The following LMBRD1 variants were observed in gnomAD, a reference collection of about 807,000 sequenced individuals.
LMBRD1 encodes LMBR1 domain containing 1.
Under a neutral mutation model 74.8 loss-of-function variants are expected in LMBRD1, and 64 were observed. The ratio of observed to expected loss-of-function variants is 0.86; its 90% confidence interval spans 0.70 to 1.05. The LOEUF (loss-of-function observed/expected upper bound fraction) is 1.05, where lower values mean the gene tolerates loss of function less well. Ranked by LOEUF, LMBRD1 falls within the 50% of genes least tolerant of loss-of-function variation. The probability of loss-of-function intolerance (pLI) is 0.00; values close to 1 mark genes in which losing one functional copy is unlikely to be tolerated. For missense variants in LMBRD1, 652 were observed against 645.9 expected, an observed-to-expected ratio of 1.01 and a Z score of -0.10; for synonymous variants, 204 against 216.3, an observed-to-expected ratio of 0.94 and a Z score of 0.50.
chr6:69,741,667 GCATGAGCCA>G, intron 6 of LMBRD1, 113 bp downstream of exon 6: 2 of 649,188 alleles, frequency 3.1e-6, no homozygotes, highest in Non-Finnish European at 5.5e-6. Context: ...AGGATTACAG[GCATGAGCCA>G]CCACGCCCAG....
intron 3 of LMBRD1, among the ~76,000 whole-genome samples, chr6:69,766,053 T>G (rs1366435341): frequency 2.0e-5 from 3 of 151,894 alleles, no homozygotes; most frequent in Non-Finnish European, 4.4e-5. Flanking sequence ...AAGACAGTAA[T>G]AATTCTTCTT....
chr6:69,781,672 A>G (rs1159801548), intron 2 of LMBRD1, among the ~76,000 whole-genome samples: 1 of 152,210 alleles, frequency 6.6e-6, no homozygotes, highest in Non-Finnish European at 1.5e-5. Flanking sequence ...TGTTCCCAAT[A>G]GTAATAAGGA....
rs1195257238 is a variant in LMBRD1 at position 69,699,363 on chromosome 6, A to G, written c.1189-171T>C. ...CCCAAATAATTTTAAGATTATTCAC[A>G]TGGTCTATTTCCAGAGAAATCTTCT... On this transcript the variant is annotated intron_variant, in intron 12 of 15. Coordinates refer to ENST00000649934, the MANE Select transcript of LMBRD1 (RefSeq NM_018368.4). Among the ~76,000 whole-genome samples, 8 of 151,842 alleles carry G rather than the reference A, an allele frequency of 5.3e-5. No homozygotes were observed. In the East Asian group the frequency reaches 1.5e-3, roughly 29 times the overall value.
In LMBRD1 at chr6:69,752,280, A is replaced by G. The variant is rs143642515; in HGVS notation, c.384T>C (p.Asp128=). ...FVYFYYEEKD[D]DDTSKCTQIK... ...TTACAGTACATTTACTAGTATCATCATCATCCTTTTCTTCATAATAGAAGT... is the reference window on the plus strand; with the variant it reads ...TTACAGTACATTTACTAGTATCATCGTCATCCTTTTCTTCATAATAGAAGT... Residue 128 remains aspartate, a synonymous_variant, in exon 4 of 16, where the codon GAT becomes GAC. Coordinates refer to ENST00000649934, the MANE Select transcript of LMBRD1 (RefSeq NM_018368.4). 115 of 1,610,656 alleles carry G rather than the reference A, an allele frequency of 7.1e-5. No individual in the cohort carries two copies. The East Asian group carries it at 7.2e-4, about 10-fold the overall frequency.
chr6:69,706,832 G>C (rs184279347), intron 9 of LMBRD1, among the ~76,000 whole-genome samples: 1 of 152,218 alleles, frequency 6.6e-6, no homozygotes, highest in East Asian at 1.9e-4. Context: ...ATTTAAAAGT[G>C]TGTAAATTTT....
intron 14 of LMBRD1, among the ~76,000 whole-genome samples, chr6:69,695,307 CTAACAT>C (rs1467051380): frequency 6.6e-6 from 1 of 151,950 alleles, no homozygotes; most frequent in East Asian, 1.9e-4. Context: ...ATTTTTATCT[CTAACAT>C]TAAATTTTTT....
chr6:69,687,845 C>A (rs1765795572), intron 14 of LMBRD1, among the ~76,000 whole-genome samples: 1 of 152,094 alleles, frequency 6.6e-6, no homozygotes, highest in East Asian at 1.9e-4. Context: ...AACAAAAGGA[C>A]CACGTAGTTT....
At position 69,779,462 on chromosome 6, in the gene LMBRD1, G is replaced by A. The variant is rs73486045; in HGVS notation, c.307+1032C>T. On this transcript the variant is annotated intron_variant, in intron 3 of 15. Transcript: ENST00000649934. ...TCTAATACTGAGAATGATGTTTGAG[G>A]GAGGGAAGGAGGAGGAGCCAAGCAA... 5.0e-3 allele frequency among the ~76,000 whole-genome samples: 766 copies of A among 152,192 alleles called. 5 individuals carry two copies. The highest frequency in any genetic ancestry group is 0.015 in the African/African-American group (605 of 41,518).
chr6:69,702,058 AC>A (rs1766144710), intron 9 of LMBRD1, 105 bp from the exon 10 acceptor site: 1 of 722,314 alleles, frequency 1.4e-6, no homozygotes, highest in African/African-American at 1.8e-5. Context: ...CAATGATCTA[AC>A]AAAAACAATC....
rs202043626 is a variant in LMBRD1, at chr6:69,676,879, C to CA, written c.1418-339dup. 5.9e-3 allele frequency among the ~76,000 whole-genome samples: 893 copies of CA among 150,788 alleles called. 12 individuals carry two copies. The highest frequency in any genetic ancestry group is 0.018 in the African/African-American group (727 of 41,158). ...TTGGAGTGTCAGACATATCATAAAACAAAAAAAAAGTTTTCCTGATGAACA... is the reference window on the plus strand; with the variant it reads ...TTGGAGTGTCAGACATATCATAAAACAAAAAAAAAAGTTTTCCTGATGAACA... On this transcript the variant is annotated intron_variant, in intron 14 of 15. Transcript: ENST00000649934.
intron 14 of LMBRD1, among the ~76,000 whole-genome samples, chr6:69,692,575 A>C (rs2494776): frequency 6.6e-6 from 1 of 151,892 alleles, no homozygotes; most frequent in African/African-American, 2.4e-5. Flanking sequence ...CATTGCTATG[A>C]TAACATACCA....
Position 69,676,153 on chromosome 6 carries a change from GGCTGTCAA to G in LMBRD1, c.1620_*4del, listed in dbSNP as rs764599014. 5 of 1,597,974 alleles carry G rather than the reference GGCTGTCAA, an allele frequency of 3.1e-6. No individual in the cohort carries two copies. In the South Asian group the frequency reaches 4.4e-5, roughly 14 times the overall value. On this transcript the variant is annotated stop_lost and 3_prime_UTR_variant, in exon 16 of 16. Transcript: ENST00000649934. ...GCATTATAAAACCTTTAAGACAGAA[GGCTGTCAA>G]GCAGAATAGACAGAGGGCTCATCAT...
At chr6:69,712,295 C>T (rs1766399857) in intron 9 of LMBRD1, among the ~76,000 whole-genome samples, 1 of 152,036 alleles carries the variant, frequency 6.6e-6, no homozygotes, top group Admixed American at 6.6e-5. Flanking sequence ...GGTTTAAGTA[C>T]CATAGTCCCA....
At chr6:69,707,199 G>A (rs778056897) in intron 9 of LMBRD1, among the ~76,000 whole-genome samples, 4 of 152,094 alleles carry the variant, frequency 2.6e-5, no homozygotes, top group Admixed American at 1.3e-4. Flanking sequence ...TGGCAAGTCA[G>A]GTCATTCTCG....
chr6:69,721,246 G>C (rs1766608245), intron 7 of LMBRD1, among the ~76,000 whole-genome samples: 1 of 152,210 alleles, frequency 6.6e-6, no homozygotes, highest in South Asian at 2.1e-4. Flanking sequence ...ATGTGACCCA[G>C]GGAGACAACA....
chr6:69,733,073 TAAAC>T (rs1766896474), intron 7 of LMBRD1, among the ~76,000 whole-genome samples: 2 of 152,166 alleles, frequency 1.3e-5, no homozygotes, highest in African/African-American at 4.8e-5. Context: ...GTTTCAAAAA[TAAAC>T]AATAATACAT....
intron 7 of LMBRD1, among the ~76,000 whole-genome samples, chr6:69,730,017 TA>T (rs1374329771): frequency 6.6e-6 from 1 of 151,970 alleles, no homozygotes; most frequent in Non-Finnish European, 1.5e-5. Flanking sequence ...TTTTATTACT[TA>T]CTACTGCCCT....
chr6:69,755,584 A>C (rs1170301574), intron 3 of LMBRD1, among the ~76,000 whole-genome samples: 1 of 122,936 alleles, frequency 8.1e-6, no homozygotes, highest in Non-Finnish European at 1.8e-5. Flanking sequence ...TGTATCCCAG[A>C]ACTTAAAAAA....
At position 69,752,305 on chromosome 6, in the gene LMBRD1, TA is replaced by T. The variant is rs768207964; in HGVS notation, c.358del (p.Tyr120ThrfsTer30). On this transcript the variant is annotated frameshift_variant, in exon 4 of 16. Coordinates refer to ENST00000649934, the MANE Select transcript of LMBRD1 (RefSeq NM_018368.4). LOFTEE classifies it high-confidence loss of function. ...ATCATCCTTTTCTTCATAATAGAAG[TA>T]GACAAAAGGGATCCAGAAGAACACA... ...FCVFFWIPFV[Y>X]FYYEEKDDDD... 3.7e-6 allele frequency: 6 copies of T among 1,610,456 alleles called. No individual in the cohort carries two copies. The highest frequency in any genetic ancestry group is 3.3e-5 in the Admixed American group (2 of 59,960).
Sources: gnomAD v4.1 joint callset for allele counts (sites outside exome capture counted in the v4.1 genomes callset) on GRCh38, gnomAD v4.1.1 for gene constraint, MANE v1.5 for transcripts, NCBI Gene and HGNC (gene_info 2026-07-23, HGNC 2026-07-21) for gene names.